Variants in SLC39A11 observed in about 807,000 individuals in gnomAD.
The protein encoded by SLC39A11 is solute carrier family 39 member 11, also known as zinc transporter ZIP11.
In SLC39A11, 33 loss-of-function variants were observed where a neutral mutation model predicts 36.1. That is an observed-to-expected ratio of 0.91 (90% CI 0.69 to 1.22). The LOEUF (loss-of-function observed/expected upper bound fraction) is 1.22, where lower values mean the gene tolerates loss of function less well. Among genes scored for constraint, SLC39A11 ranks in the 50% most tolerant of loss-of-function variants. The pLI, the probability that SLC39A11 is intolerant of heterozygous loss-of-function variation, is 0.00. For synonymous variants in SLC39A11, 166 were observed against 170.3 expected, an observed-to-expected ratio of 0.97 and a Z score of 0.20; for missense variants, 432 against 430.3, an observed-to-expected ratio of 1.00 and a Z score of -0.03.
chr17:72,856,506 C>T (rs1260478175), intron 5 of SLC39A11, among the ~76,000 whole-genome samples: 3 of 152,056 alleles, frequency 2.0e-5, no homozygotes, highest in Non-Finnish European at 4.4e-5. Flanking sequence ...ATCAGACAGA[C>T]GTATCCACTT....
At chr17:73,070,947 T>C (rs1421574299) in intron 3 of SLC39A11, among the ~76,000 whole-genome samples, 3 of 152,112 alleles carry the variant, frequency 2.0e-5, no homozygotes, top group African/African-American at 4.8e-5. Flanking sequence ...AGCATGAAAA[T>C]GAACTAATAC....
At chr17:73,023,618 T>C (rs142545804) in intron 4 of SLC39A11, among the ~76,000 whole-genome samples, 6,377 of 152,256 alleles carry the variant, frequency 0.042, 173 homozygotes, top group East Asian at 0.074. Context: ...GCCTCCCAAG[T>C]AGCTGGGACT....
chr17:72,847,836 T>C (rs1019535601), intron 6 of SLC39A11, among the ~76,000 whole-genome samples: 3 of 152,178 alleles, frequency 2.0e-5, no homozygotes, highest in Admixed American at 6.5e-5. Context: ...AGAAGCTTTG[T>C]AGAGAAAAAT....
chr17:72,994,282 A>C (rs1376169765), intron 4 of SLC39A11, among the ~76,000 whole-genome samples: 1 of 152,208 alleles, frequency 6.6e-6, no homozygotes, highest in Non-Finnish European at 1.5e-5. Flanking sequence ...GATGTGGATA[A>C]ATTTTATTCC....
intron 3 of SLC39A11, among the ~76,000 whole-genome samples, chr17:73,052,459 G>A (rs372711943): frequency 8.1e-4 from 123 of 152,236 alleles, no homozygotes; most frequent in Non-Finnish European, 1.4e-3. Context: ...AATAAAGAGC[G>A]AAAAGAGAGG....
intron 6 of SLC39A11, among the ~76,000 whole-genome samples, chr17:72,818,657 T>C (rs978574280): frequency 1.3e-5 from 2 of 152,186 alleles, no homozygotes; most frequent in Admixed American, 1.3e-4. Flanking sequence ...TCATTTCACC[T>C]TGTTTAAGCT....
At chr17:72,950,514 C>T (rs991664094) in intron 4 of SLC39A11, among the ~76,000 whole-genome samples, 9 of 152,158 alleles carry the variant, frequency 5.9e-5, no homozygotes, top group Non-Finnish European at 1.3e-4. Context: ...TGTTTATATG[C>T]TTTAATTATT....
At chr17:72,707,203 C>T (rs1211261005) in intron 7 of SLC39A11, among the ~76,000 whole-genome samples, 1 of 152,070 alleles carries the variant, frequency 6.6e-6, no homozygotes, top group Non-Finnish European at 1.5e-5. Context: ...AGTTAGAGAC[C>T]AGCCTGGGCA....
At chr17:72,685,778 C>CCTGTA (rs1404507788) in intron 7 of SLC39A11, among the ~76,000 whole-genome samples, 1 of 152,158 alleles carries the variant, frequency 6.6e-6, no homozygotes, top group African/African-American at 2.4e-5. Context: ...GTGGTTCATG[C>CCTGTA]CTGTAATCCC....
At chr17:72,681,838 TTC>T (rs1458522187) in intron 7 of SLC39A11, among the ~76,000 whole-genome samples, 1 of 152,224 alleles carries the variant, frequency 6.6e-6, no homozygotes, top group African/African-American at 2.4e-5. Context: ...TAATAATATT[TTC>T]TTTTTTCTCA....
Position 72,726,123 on chromosome 17 carries a change from G to A in SLC39A11, c.671+10527C>T, listed in dbSNP as rs79451563. ...AAGATCAGCAACTTTGAGGAAGTAA[G>A]GGTCTCCCTAGGATGCTCCACGAGT... On this transcript the variant is annotated intron_variant, in intron 7 of 9. Transcript: ENST00000255559. Among the ~76,000 whole-genome samples, 1,036 of 152,230 alleles carry A rather than the reference G, an allele frequency of 6.8e-3. 15 individuals are homozygous for A. The highest frequency in any genetic ancestry group is 0.024 in the African/African-American group (998 of 41,548).
intron 3 of SLC39A11, 119 bp downstream of exon 3, chr17:73,084,689 C>T: frequency 3.3e-6 from 3 of 896,734 alleles, no homozygotes; most frequent in South Asian, 2.7e-5. Context: ...GGTGTTAGTG[C>T]CTGAGGAACA....
In SLC39A11 at chr17:72,922,462, G is replaced by A. The variant is rs926611398; in HGVS notation, c.430+25290C>T. On this transcript the variant is annotated intron_variant, in intron 5 of 9. Transcript: ENST00000255559. ...TATTATCAAAGGATTGACGAAAGCAGGTCCTGGAAGGTTGGGGTTGAGATG... is the reference window on the plus strand; with the variant it reads ...TATTATCAAAGGATTGACGAAAGCAAGTCCTGGAAGGTTGGGGTTGAGATG... Among the ~76,000 whole-genome samples, 4 of 152,244 alleles carry A rather than the reference G, an allele frequency of 2.6e-5. No homozygotes were observed. In the South Asian group the frequency reaches 6.2e-4, roughly 24 times the overall value.
chr17:73,058,416 G>C lies in SLC39A11; in HGVS notation c.147+26392C>G, dbSNP rs191721068. On this transcript the variant is annotated intron_variant, in intron 3 of 9. Transcript: ENST00000255559. ...CCAGCTGGGGTGGCCTTCTGATCTC[G>C]TCTCCTGTGATAGGAGTTAATCTTG... Among the ~76,000 whole-genome samples the C allele has an allele frequency of 8.5e-5, 13 of 152,274 alleles. No homozygotes were observed. In the South Asian group the frequency reaches 1.9e-3, roughly 22 times the overall value.
At chr17:73,059,078 ATGTC>A (rs2059759527) in intron 3 of SLC39A11, among the ~76,000 whole-genome samples, 2 of 152,244 alleles carry the variant, frequency 1.3e-5, no homozygotes, top group African/African-American at 4.8e-5. Flanking sequence ...TATTTATAAA[ATGTC>A]TGAGTCATTT....
At chr17:73,015,022 A>C (rs954524177) in intron 4 of SLC39A11, among the ~76,000 whole-genome samples, 8 of 152,218 alleles carry the variant, frequency 5.3e-5, no homozygotes, top group Admixed American at 4.6e-4. Context: ...TCTATCAGTC[A>C]GTGCTTGTTG....
At chr17:72,880,536 G>A (rs541185918) in intron 5 of SLC39A11, among the ~76,000 whole-genome samples, 106 of 152,148 alleles carry the variant, frequency 7.0e-4, no homozygotes, top group African/African-American at 2.4e-3. Flanking sequence ...TCTCTCAACT[G>A]CACTCCAGAC....
intron 4 of SLC39A11, among the ~76,000 whole-genome samples, chr17:72,960,444 T>G (rs1363101488): frequency 1.3e-5 from 2 of 152,094 alleles, no homozygotes. Flanking sequence ...AATAGCCTCT[T>G]GTAGTCATAC....
chr17:72,749,927 C>T (rs1018868246), intron 6 of SLC39A11, among the ~76,000 whole-genome samples: 3 of 152,178 alleles, frequency 2.0e-5, no homozygotes, highest in Non-Finnish European at 4.4e-5. Context: ...CCACACATCC[C>T]TCCTGGCTGG....
Sources: allele counts gnomAD v4.1 joint callset (sites outside exome capture counted in the v4.1 genomes callset), GRCh38; gene constraint gnomAD v4.1.1; transcripts MANE v1.5; gene names NCBI Gene and HGNC (gene_info 2026-07-23, HGNC 2026-07-21).